Variants in MYO6 observed in about 807,000 individuals in gnomAD.
The protein encoded by MYO6 is unconventional myosin-VI.
MYO6 carries 74 observed loss-of-function variants against 178.7 expected under a neutral mutation model. The ratio of observed to expected loss-of-function variants is 0.41; its 90% CI spans 0.34 to 0.50. The LOEUF (loss-of-function observed/expected upper bound fraction) is 0.50, where lower values mean the gene tolerates loss of function less well. MYO6 is among the 20% of genes least tolerant of loss of function. The pLI, the probability that MYO6 is intolerant of heterozygous loss-of-function variation, is 0.09. For synonymous variants in MYO6, 477 were observed against 504.6 expected, an observed-to-expected ratio of 0.95 and a Z score of 0.73; for missense variants, 1,330 against 1,547.4, an observed-to-expected ratio of 0.86 and a Z score of 2.36.
chr6:75,816,793 T>C (rs1185158871), intron 1 of MYO6, among the ~76,000 whole-genome samples: 1 of 152,160 alleles, frequency 6.6e-6, no homozygotes, highest in Non-Finnish European at 1.5e-5. Context: ...CACAATAATA[T>C]CTATTCCTAT....
At chr6:75,839,819 T>A (rs1475156665) in intron 7 of MYO6, among the ~76,000 whole-genome samples, 2 of 152,114 alleles carry the variant, frequency 1.3e-5, no homozygotes, top group African/African-American at 2.4e-5. Context: ...ATGTTAAATA[T>A]GGAGACTATT....
rs143143103 is a variant in MYO6, at chr6:75,762,507, T to G, written c.-48+13084T>G. On this transcript the variant is annotated intron_variant, in intron 1 of 34. Transcript: ENST00000369977. ...TTTTTCTGTGTGCTCTTTTAAACAC[T>G]CAGAGCTTTGAAAATCAAAGAGTTA... Among the ~76,000 whole-genome samples, 219 of 152,306 alleles carry G rather than the reference T, an allele frequency of 1.4e-3. 3 individuals are homozygous for G. Among genetic ancestry groups the G allele is most frequent in the African/African-American group, 5.0e-3 (206 of 41,558 alleles).
intron 15 of MYO6, among the ~76,000 whole-genome samples, chr6:75,861,585 T>G (rs1299101213): frequency 1.3e-5 from 2 of 152,226 alleles, no homozygotes; most frequent in Non-Finnish European, 2.9e-5. Context: ...GGCTCTGCTT[T>G]CATTTTAGTG....
At chr6:75,874,174 TC>T (rs1265151001) in intron 20 of MYO6, among the ~76,000 whole-genome samples, 1 of 152,230 alleles carries the variant, frequency 6.6e-6, no homozygotes, top group Non-Finnish European at 1.5e-5. Context: ...ATTTTCTGCT[TC>T]GCTAAAGGCC....
At chr6:75,836,984 C>A (rs1015716789) in intron 7 of MYO6, among the ~76,000 whole-genome samples, 1 of 152,212 alleles carries the variant, frequency 6.6e-6, no homozygotes, top group Non-Finnish European at 1.5e-5. Context: ...TGTGGTCTGG[C>A]TCCTGCCTCT....
At chr6:75,889,489 C>A (rs548493496) in intron 25 of MYO6, among the ~76,000 whole-genome samples, 1 of 152,122 alleles carries the variant, frequency 6.6e-6, no homozygotes, top group Non-Finnish European at 1.5e-5. Context: ...TTCACTGTAA[C>A]CTCCGCCTCC....
intron 1 of MYO6, among the ~76,000 whole-genome samples, chr6:75,816,065 G>A (rs946643593): frequency 1.3e-5 from 2 of 152,152 alleles, no homozygotes; most frequent in Non-Finnish European, 2.9e-5. Flanking sequence ...AACCATACAG[G>A]GGTAATGGAA....
At position 75,918,456 on chromosome 6, in the gene MYO6, A is replaced by G. The variant is rs999376190; in HGVS notation, c.*3444A>G. ...TCCTAGATCTCTACGAAATTTTAGAATGAATAATGTGTAATTTATAGGATC... is the reference window on the plus strand; with the variant it reads ...TCCTAGATCTCTACGAAATTTTAGAGTGAATAATGTGTAATTTATAGGATC... On this transcript the variant is annotated 3_prime_UTR_variant, in exon 35 of 35. Transcript: ENST00000369977. 6.6e-6 allele frequency: 1 copy of G among 152,218 alleles called. No individual in the cohort carries two copies. Among genetic ancestry groups the G allele is most frequent in the African/African-American group, 2.4e-5 (1 of 41,456 alleles). 9.4% of individuals were successfully genotyped at this position (152,218 alleles called of 1,614,324 possible). A position where few individuals can be genotyped will look rare whatever the true frequency, so the allele number is the denominator to read the frequency against.
chr6:75,827,802 AGT>A (rs145976873), intron 3 of MYO6, among the ~76,000 whole-genome samples: 2,415 of 152,292 alleles, frequency 0.016, 62 homozygotes, highest in African/African-American at 0.056. Context: ...AGATGATTTT[AGT>A]GTTGACTAAG....
intron 1 of MYO6, among the ~76,000 whole-genome samples, chr6:75,751,103 C>T (rs1413455703): frequency 1.3e-5 from 2 of 152,016 alleles, no homozygotes; most frequent in East Asian, 1.9e-4. Context: ...TTGTAGAAAC[C>T]GCCACAAATG....
chr6:75,871,799 T>C (rs1163574837), intron 19 of MYO6, among the ~76,000 whole-genome samples: 1 of 151,996 alleles, frequency 6.6e-6, no homozygotes, highest in Non-Finnish European at 1.5e-5. Context: ...TTGTGATTTA[T>C]AGAAAAAAAA....
intron 34 of MYO6, 101 bp downstream of exon 34, chr6:75,914,382 C>T (rs778001922): frequency 1.3e-5 from 16 of 1,208,548 alleles, no homozygotes; most frequent in Non-Finnish European, 1.9e-5. Flanking sequence ...TATTACATTT[C>T]AGGGTTGAGG....
intron 13 of MYO6, among the ~76,000 whole-genome samples, chr6:75,857,684 T>C (rs140661438): frequency 1.8e-3 from 276 of 152,366 alleles, no homozygotes; most frequent in Non-Finnish European, 3.1e-3. Context: ...CCAACCTCAT[T>C]ACTATGTTTA....
chr6:75,815,169 A>T (rs1245926955), intron 1 of MYO6, among the ~76,000 whole-genome samples: 2 of 152,208 alleles, frequency 1.3e-5, no homozygotes, highest in African/African-American at 4.8e-5. Flanking sequence ...GGTAGAGGAG[A>T]TGCAGAGAAG....
intron 1 of MYO6, among the ~76,000 whole-genome samples, chr6:75,813,454 A>G (rs1770891356): frequency 6.6e-6 from 1 of 152,182 alleles, no homozygotes; most frequent in Non-Finnish European, 1.5e-5. Flanking sequence ...CCCAGGGCAC[A>G]TCCAGAAATG....
At chr6:75,863,012 G>A (rs940201896) in intron 16 of MYO6, among the ~76,000 whole-genome samples, 3 of 152,122 alleles carry the variant, frequency 2.0e-5, no homozygotes, top group Non-Finnish European at 2.9e-5. Context: ...GACAGCTTGA[G>A]CCTGGGAGTC....
intron 12 of MYO6, 92 bp downstream of exon 12, chr6:75,855,375 G>T: frequency 7.6e-7 from 1 of 1,316,198 alleles, no homozygotes; most frequent in Non-Finnish European, 1.1e-6. Context: ...ACCTGAGCTT[G>T]GTAGATCAAA....
intron 3 of MYO6, among the ~76,000 whole-genome samples, chr6:75,828,028 A>G (rs1296036068): frequency 6.6e-6 from 1 of 152,216 alleles, no homozygotes; most frequent in Non-Finnish European, 1.5e-5. Flanking sequence ...CCCATTAATT[A>G]GCTTCATATT....
At position 75,855,189 on chromosome 6, in the gene MYO6, G is replaced by C. The variant is rs1211844545; in HGVS notation, c.1129G>C (p.Glu377Gln). 2.5e-6 allele frequency: 4 copies of C among 1,612,960 alleles called. No homozygotes were observed. The highest frequency in any genetic ancestry group is 1.1e-5 in the South Asian group (1 of 91,044). The part of the protein sequence containing the change: ...KSAQSLEYCA[E>Q]LLGLDQDDLR... ...TGCTCAGTCTTTGGAATATTGTGCT[G>C]AATTACTGGGTTTGGACCAAGATGA... The change falls in exon 12 of 35, where the codon GAA becomes CAA. Residue 377 changes from glutamate to glutamine, a missense_variant. Physicochemically the swap from Glu to Gln is conservative, Grantham distance 29. Transcript: ENST00000369977.
Sources: gnomAD v4.1 joint callset for allele counts (sites outside exome capture counted in the v4.1 genomes callset) on GRCh38, gnomAD v4.1.1 for gene constraint, MANE v1.5 for transcripts, NCBI Gene and HGNC (gene_info 2026-07-23, HGNC 2026-07-21) for gene names.